STAB1: variants seen among roughly 807,000 people sequenced by gnomAD.
The protein encoded by STAB1 is stabilin-1.
In STAB1, 250 loss-of-function variants were observed where a neutral mutation model predicts 332.4. The ratio of observed to expected loss-of-function variants is 0.75; its 90% CI spans 0.68 to 0.84. STAB1 has a LOEUF of 0.84. STAB1 is among the 40% of genes least tolerant of loss of function. The pLI, the probability that STAB1 is intolerant of heterozygous loss-of-function variation, is 0.00. For synonymous variants in STAB1, 1,475 were observed against 1,390.4 expected (o/e 1.06, Z -1.35); for missense variants, 3,249 against 3,489.7 (o/e 0.93, Z 1.74).
chr3:52,511,154 T>A (rs760026275), intron 25 of STAB1, among the ~76,000 whole-genome samples: 15 of 152,164 alleles, frequency 9.9e-5, no homozygotes, highest in Non-Finnish European at 1.8e-4. Context: ...GCCAGTGAGA[T>A]GCTCCCAACG....
chr3:52,522,201 G>A lies in STAB1; in HGVS notation c.6436G>A (p.Glu2146Lys), dbSNP rs760649124. ...AGATGGCCACCGCGGGGGCTGCAGCGAGCACGCCAACTGCTTGAGCACCGG... is the reference window on the plus strand; with the variant it reads ...AGATGGCCACCGCGGGGGCTGCAGCAAGCACGCCAACTGCTTGAGCACCGG... ...CTDGHRGGCS[E>K]HANCLSTGLN... Residue 2146 changes from glutamate (E) to lysine (K), a missense_variant, in exon 59 of 69, where the codon GAG becomes AAG. Coordinates refer to ENST00000321725, the MANE Select transcript of STAB1 (RefSeq NM_015136.3). 42 of 1,612,540 alleles carry A rather than the reference G, an allele frequency of 2.6e-5. No individual in the cohort carries two copies. Among genetic ancestry groups the A allele is most frequent in the East Asian group, 6.7e-5 (3 of 44,892 alleles).
Position 52,504,542 on chromosome 3 carries a change from C to A in STAB1, c.1232C>A (p.Thr411Asn), listed in dbSNP as rs1190204517. The A allele has an allele frequency of 2.5e-6, 4 of 1,613,948 alleles. No homozygotes were observed. The highest frequency in any genetic ancestry group is 3.4e-6 in the Non-Finnish European group (4 of 1,180,028). The change falls in exon 11 of 69, where the codon ACC (threonine) becomes AAC (asparagine). Residue 411 changes from threonine (T) to asparagine (N), a missense_variant. Transcript: ENST00000321725. ...TCCGTCTCCTCCTTCTCCTCCAGGA[C>A]CATGAATGTAAGCCCCTCCCCATGG... The part of the protein sequence containing the change: ...VPSVSSFSSR[T>N]MNASLAQQLC...
rs1708699199 is a variant in STAB1 at position 52,504,506 on chromosome 3, T to C, written c.1196T>C (p.Val399Ala). 1 of 1,614,098 alleles carries C rather than the reference T, an allele frequency of 6.2e-7. No individual in the cohort carries two copies. The highest frequency in any genetic ancestry group is 8.5e-7 in the Non-Finnish European group (1 of 1,180,016). Residue 399 changes from valine to alanine, a missense_variant, in exon 11 of 69, where the codon GTG becomes GCG. Physicochemically the swap from Val to Ala is moderately conservative, Grantham distance 64 (BLOSUM62 0). Transcript: ENST00000321725. ...CTTACCACAGCGGGCCCTTTCACCG[T>C]GCTGGTGCCATCCGTCTCCTCCTTC... ...EILTTAGPFT[V>A]LVPSVSSFSS... is the part of the protein sequence containing the mutation.
chr3:52,515,488 A>G lies in STAB1; in HGVS notation c.3930A>G (p.Thr1310=), dbSNP rs756636227. 3.3e-5 allele frequency: 54 copies of G among 1,613,212 alleles called. 1 individual carries two copies. Among genetic ancestry groups the G allele is most frequent in the Non-Finnish European group, 4.5e-5 (53 of 1,179,980 alleles). ...CCTTCTCCCGGGGCTGCTCTTACACATGTGCCAAGAAGATCCAGGTTTGCC... is the reference window on the plus strand; with the variant it reads ...CCTTCTCCCGGGGCTGCTCTTACACGTGTGCCAAGAAGATCCAGGTTTGCC... The part of the protein sequence containing the change: ...GFSFSRGCSY[T]CAKKIQVPDC... Residue 1310 remains threonine, a synonymous_variant, in exon 37 of 69, where the codon ACA becomes ACG. Coordinates refer to ENST00000321725, the MANE Select transcript of STAB1 (RefSeq NM_015136.3).
At position 52,502,706 on chromosome 3, in the gene STAB1, A is replaced by G; in HGVS notation, c.562A>G (p.Thr188Ala). 6.2e-7 allele frequency: 1 copy of G among 1,613,488 alleles called. No homozygotes were observed. The highest frequency in any genetic ancestry group is 1.1e-5 in the South Asian group (1 of 91,072). The stretch of plus-strand genomic sequence containing the variant: ...AAGCTGCCTGTGCTTTGCTGGATAC[A>G]CTGGCCCCCACTGTGATCAAGGTGA... The part of the protein sequence containing the change: ...DGSCLCFAGY[T>A]GPHCDQELPV... Residue 188 changes from threonine to alanine, a missense_variant, in exon 6 of 69, where the codon ACT becomes GCT. Coordinates refer to ENST00000321725, the MANE Select transcript of STAB1 (RefSeq NM_015136.3).
In STAB1 at chr3:52,518,541, T is replaced by C. The variant is rs1238843855; in HGVS notation, c.4815T>C (p.Tyr1605=). The change falls in exon 47 of 69, where the codon TAT becomes TAC. Residue 1605 remains tyrosine (Y), a synonymous_variant. Coordinates refer to ENST00000321725, the MANE Select transcript of STAB1 (RefSeq NM_015136.3). ...ASFFSLRLLE[Y]KELKGDGPFT... is the part of the protein sequence containing the mutation. The stretch of plus-strand genomic sequence containing the variant: ...GCTGTTGCTGCCTCCCGCAGGAATA[T>C]AAGGAGCTCAAGGGCGATGGGCCTT... 6.3e-7 allele frequency: 1 copy of C among 1,588,400 alleles called. No individual in the cohort carries two copies. The highest frequency in any genetic ancestry group is 1.3e-5 in the African/African-American group (1 of 74,702).
intron 38 of STAB1, 49 bp from the exon 39 acceptor site, chr3:52,516,307 A>T (rs747043564): frequency 6.2e-7 from 1 of 1,606,662 alleles, no homozygotes; most frequent in South Asian, 1.1e-5. Context: ...CCCAGCCGGG[A>T]CAGGATGGAG....
In STAB1 at chr3:52,521,706, T is replaced by TAGCC. The variant is rs754854886; in HGVS notation, c.6163+7_6163+10dup. Reference sequence around the variant, plus strand: ...ACGCTGTGAGGTGCAACTGGGTGAGTAGCCCCGTGCTCGTGCCCACCCTAC... The same window carrying TAGCC: ...ACGCTGTGAGGTGCAACTGGGTGAGTAGCCAGCCCCGTGCTCGTGCCCACCCTAC... On this transcript the variant is annotated splice_region_variant and intron_variant, in intron 57 of 68. Coordinates refer to ENST00000321725, the MANE Select transcript of STAB1 (RefSeq NM_015136.3). 39 of 1,612,258 alleles carry TAGCC rather than the reference T, an allele frequency of 2.4e-5. No individual in the cohort carries two copies. The highest frequency in any genetic ancestry group is 3.3e-5 in the Non-Finnish European group (39 of 1,179,716).
chr3:52,516,266 G>GGGGGGGGGGC, intron 38 of STAB1, 28 bp downstream of exon 38: 1 of 794,400 alleles, frequency 1.3e-6, no homozygotes, highest in Non-Finnish European at 2.2e-6. Context: ...GCGGGGGTGG[G>GGGGGGGGGGC]CCTCCTGGCA....
At chr3:52,508,467 G>A (rs1257518030) in intron 21 of STAB1, 108 bp downstream of exon 21, 2 of 1,031,426 alleles carry the variant, frequency 1.9e-6, no homozygotes, top group African/African-American at 1.6e-5. Flanking sequence ...CTCTGGCCTT[G>A]GGATTCTCAT....
chr3:52,511,846 C>T (rs1709323236), intron 26 of STAB1, 101 bp downstream of exon 26: 1 of 923,370 alleles, frequency 1.1e-6, no homozygotes, highest in Non-Finnish European at 1.6e-6. Flanking sequence ...CTCTCTGTAC[C>T]CCCTCAGGAT....
chr3:52,517,042 G>T lies in STAB1; in HGVS notation c.4422G>T (p.Lys1474Asn). 1 of 1,605,838 alleles carries T rather than the reference G, an allele frequency of 6.2e-7. No individual in the cohort carries two copies. The highest frequency in any genetic ancestry group is 8.5e-7 in the Non-Finnish European group (1 of 1,176,322). The change falls in exon 42 of 69, where the codon AAG (lysine) becomes AAT (asparagine). Residue 1474 changes from lysine (K) to asparagine (N), a missense_variant. Lys to Asn is a moderately conservative substitution (Grantham distance 94). Coordinates refer to ENST00000321725, the MANE Select transcript of STAB1 (RefSeq NM_015136.3). ...GGCSPHANCT[K>N]VAPGQRTCTC... is the part of the protein sequence containing the mutation. The stretch of plus-strand genomic sequence containing the variant: ...GCTCCCCTCATGCCAACTGTACCAA[G>T]GTGGCACCTGGGCAGCGGACATGCA...
chr3:52,501,891 C>T (rs1379560059), intron 3 of STAB1, 115 bp from the exon 4 acceptor site: 19 of 1,441,078 alleles, frequency 1.3e-5, no homozygotes, highest in Non-Finnish European at 1.8e-5. Context: ...AAGGCTCGGC[C>T]CCCTTGCTCT....
chr3:52,522,347 G>A lies in STAB1; in HGVS notation c.6483G>A (p.Glu2161=), dbSNP rs2079101886. The A allele has an allele frequency of 1.9e-6, 3 of 1,612,926 alleles. No individual in the cohort carries two copies. Among genetic ancestry groups the A allele is most frequent in the South Asian group, 2.2e-5 (2 of 91,092 alleles). The stretch of plus-strand genomic sequence containing the variant: ...AACCCCAGAACACACGGCGCTGTGA[G>A]TGCCACGCAGGCTACGTAGGCGATG... ...LSTGLNTRRC[E]CHAGYVGDGL... The change falls in exon 60 of 69, where the codon GAG becomes GAA. Residue 2161 remains glutamate, a synonymous_variant. Coordinates refer to ENST00000321725, the MANE Select transcript of STAB1 (RefSeq NM_015136.3).
At position 52,516,672 on chromosome 3, in the gene STAB1, G is replaced by T. The variant is rs1239044661; in HGVS notation, c.4287-20G>T. 6.2e-7 allele frequency: 1 copy of T among 1,612,410 alleles called. No individual in the cohort carries two copies. The highest frequency in any genetic ancestry group is 1.1e-5 in the South Asian group (1 of 91,062). ...CGACTGGACAGGCATGGGCTAAGCT[G>T]CTGCTACCACCCCTCCCAGCTGCGT... On this transcript the variant is annotated intron_variant, in intron 40 of 68. Transcript: ENST00000321725.
In STAB1 at chr3:52,512,132, C is replaced by T. The variant is rs565865398; in HGVS notation, c.2884-209C>T. On this transcript the variant is annotated intron_variant, in intron 26 of 68. Transcript: ENST00000321725. The stretch of plus-strand genomic sequence containing the variant: ...CAGCCCTGAGCTCCCTCGCATCCAC[C>T]TGGCATGGGTAATGCTTGTGTCAAA... Among the ~76,000 whole-genome samples, 4 of 152,394 alleles carry T rather than the reference C, an allele frequency of 2.6e-5. No individual in the cohort carries two copies. The East Asian group carries it at 7.7e-4, about 29-fold the overall frequency.
At chr3:52,513,281 G>A in intron 30 of STAB1, 40 bp downstream of exon 30, 3 of 1,528,252 alleles carry the variant, frequency 2.0e-6, no homozygotes, top group Non-Finnish European at 2.6e-6. Context: ...GACCAGGTAG[G>A]GCATGGGAGG....
Position 52,509,893 on chromosome 3 carries a change from T to C in STAB1, c.2371T>C (p.Cys791Arg). ...QEDCGCVHGL[C>R]DNRPGSGGVC... ...AGACTGCGGCTGTGTCCATGGTCTC[T>C]GCGACAACCGCCCAGGCAGTGGGGG... Residue 791 changes from cysteine (C) to arginine (R), a missense_variant, in exon 23 of 69, where the codon TGC becomes CGC. By Grantham distance (180) the Cys-to-Arg change is radical. Transcript: ENST00000321725. 6.2e-7 allele frequency: 1 copy of C among 1,613,062 alleles called. No homozygotes were observed. Among genetic ancestry groups the C allele is most frequent in the Non-Finnish European group, 8.5e-7 (1 of 1,180,014 alleles).
rs774480659 is a variant in STAB1, at chr3:52,523,997, T to A, written c.7522T>A (p.Phe2508Ile). ...YLRARGKPMG[F>I]GFSAFQAEDD... is the part of the protein sequence containing the mutation. Reference sequence around the variant, plus strand: ...CCGTGCCCGAGGCAAGCCCATGGGCTTTGGCTTCTCTGCCTTCCAGGTAGG... The same window carrying A: ...CCGTGCCCGAGGCAAGCCCATGGGCATTGGCTTCTCTGCCTTCCAGGTAGG... The change falls in exon 67 of 69, where the codon TTT (phenylalanine) becomes ATT (isoleucine). Residue 2508 changes from phenylalanine to isoleucine, a missense_variant. Coordinates refer to ENST00000321725, the MANE Select transcript of STAB1 (RefSeq NM_015136.3). The A allele has an allele frequency of 1.2e-6, 2 of 1,612,120 alleles. No homozygotes were observed. Among genetic ancestry groups the A allele is most frequent in the Non-Finnish European group, 1.7e-6 (2 of 1,179,768 alleles).
Sources: gnomAD v4.1 joint callset for allele counts (sites outside exome capture counted in the v4.1 genomes callset) on GRCh38, gnomAD v4.1.1 for gene constraint, MANE v1.5 for transcripts, NCBI Gene and HGNC (gene_info 2026-07-23, HGNC 2026-07-21) for gene names.